The following BRINP3 variants were observed in gnomAD, a reference collection of about 807,000 sequenced individuals.
BRINP3 encodes BMP/retinoic acid-inducible neural-specific protein 3.
A neutral mutation model predicts 71.0 loss-of-function variants in BRINP3; 19 were observed. That is an observed-to-expected ratio of 0.27 (90% confidence interval 0.19 to 0.39). The LOEUF is 0.39. Among genes scored for constraint, BRINP3 ranks in the 10% least tolerant of loss-of-function variants. The pLI is 1.00. For synonymous variants in BRINP3, 380 were observed against 337.7 expected (o/e 1.13, Z -1.37); for missense variants, 959 against 940.8 (o/e 1.02, Z -0.25).
chr1:190,138,628 A>G, intron 7 of BRINP3, among the ~76,000 whole-genome samples: 1 of 152,178 alleles, frequency 6.6e-6, no homozygotes, highest in East Asian at 1.9e-4. Context: ...GAAATAATTG[A>G]ACGCTGTGAA....
intron 4 of BRINP3, among the ~76,000 whole-genome samples, chr1:190,237,542 G>A (rs1658638301): frequency 6.6e-6 from 1 of 151,816 alleles, no homozygotes; most frequent in South Asian, 2.1e-4. Flanking sequence ...GGAAATTTAA[G>A]CAATGAAATA....
intron 6 of BRINP3, among the ~76,000 whole-genome samples, chr1:190,162,437 C>A (rs1282429444): frequency 6.6e-6 from 1 of 152,052 alleles, no homozygotes; most frequent in East Asian, 1.9e-4. Context: ...AGCCACTCTG[C>A]CTCGCCTATA....
intron 2 of BRINP3, among the ~76,000 whole-genome samples, chr1:190,396,712 T>TTATATATATA (rs1558249085): frequency 3.9e-3 from 150 of 38,294 alleles, no homozygotes; most frequent in African/African-American, 0.013. Context: ...CCTAATTTAA[T>TTATATATATA]GATATATATA....
intron 2 of BRINP3, among the ~76,000 whole-genome samples, chr1:190,450,002 A>T (rs2102605468): frequency 6.6e-6 from 1 of 152,316 alleles, no homozygotes; most frequent in South Asian, 2.1e-4. Flanking sequence ...TAAATAGAGA[A>T]AAATATTTTC....
intron 2 of BRINP3, among the ~76,000 whole-genome samples, chr1:190,306,461 T>G (rs547015651): frequency 6.6e-6 from 1 of 152,002 alleles, no homozygotes; most frequent in African/African-American, 2.4e-5. Flanking sequence ...CTATATATTT[T>G]TAATATTTAT....
rs538589414 is a variant in BRINP3 at position 190,289,177 on chromosome 1, C to T, written c.237-7427G>A. Among the ~76,000 whole-genome samples the T allele has an allele frequency of 1.6e-4, 24 of 151,836 alleles. 1 individual carries two copies. The highest frequency in any genetic ancestry group is 5.5e-4 in the African/African-American group (23 of 41,470). On this transcript the variant is annotated intron_variant, in intron 2 of 7. Transcript: ENST00000367462. ...TAAAGAATAACTGCATTTCTAGTGA[C>T]AATAAATATAAATTGCCCATCTTTT...
chr1:190,195,981 G>T (rs1420236916), intron 6 of BRINP3, among the ~76,000 whole-genome samples: 1 of 152,074 alleles, frequency 6.6e-6, no homozygotes, highest in Non-Finnish European at 1.5e-5. Context: ...TTACATGTAA[G>T]ATAACTGTTG....
intron 1 of BRINP3, among the ~76,000 whole-genome samples, chr1:190,458,957 A>T (rs1676193548): frequency 6.6e-6 from 1 of 151,886 alleles, no homozygotes; most frequent in Non-Finnish European, 1.5e-5. Context: ...GAGAATGAAG[A>T]ACACAAAAAA....
At chr1:190,141,522 TTTTC>T (rs1241195478) in intron 7 of BRINP3, among the ~76,000 whole-genome samples, 2 of 150,996 alleles carry the variant, frequency 1.3e-5, no homozygotes, top group Non-Finnish European at 3.0e-5. Flanking sequence ...TTCTTTCTCT[TTTTC>T]TTTCTTTCTC....
Position 190,291,217 on chromosome 1 carries a change from G to A in BRINP3, c.237-9467C>T, listed in dbSNP as rs148235219. Among the ~76,000 whole-genome samples, 828 of 152,158 alleles carry A rather than the reference G, an allele frequency of 5.4e-3. 6 individuals are homozygous for A. Among genetic ancestry groups the A allele is most frequent in the African/African-American group, 0.018 (757 of 41,536 alleles). The stretch of plus-strand genomic sequence containing the variant: ...TTTCTTAAAAGATGAATTGTAGGAA[G>A]TGAATGATTAAAGAGGTTTATAATC... On this transcript the variant is annotated intron_variant, in intron 2 of 7. Transcript: ENST00000367462.
intron 7 of BRINP3, among the ~76,000 whole-genome samples, chr1:190,138,343 G>A (rs1398969349): frequency 6.6e-6 from 1 of 152,102 alleles, no homozygotes; most frequent in Non-Finnish European, 1.5e-5. Flanking sequence ...AATGAAGACT[G>A]CTAAACATGA....
intron 2 of BRINP3, among the ~76,000 whole-genome samples, chr1:190,315,106 G>A (rs1665793634): frequency 1.3e-5 from 2 of 152,048 alleles, no homozygotes; most frequent in Admixed American, 1.3e-4. Context: ...TTAACAATGA[G>A]TTGCCTATGA....
intron 2 of BRINP3, among the ~76,000 whole-genome samples, chr1:190,340,086 C>T (rs1191498474): frequency 1.3e-5 from 2 of 151,830 alleles, no homozygotes; most frequent in Non-Finnish European, 1.5e-5. Context: ...AAAACTGACT[C>T]ATATTTTATA....
chr1:190,445,546 A>G (rs1314983399), intron 2 of BRINP3, among the ~76,000 whole-genome samples: 3 of 150,424 alleles, frequency 2.0e-5, no homozygotes, highest in Non-Finnish European at 4.4e-5. Context: ...ACACACGCAT[A>G]CACACACGCA....
intron 2 of BRINP3, among the ~76,000 whole-genome samples, chr1:190,420,442 C>T (rs541287763): frequency 6.6e-6 from 1 of 151,910 alleles, no homozygotes; most frequent in Non-Finnish European, 1.5e-5. Context: ...TCAGAGTAGG[C>T]CAAAATCAAA....
At chr1:190,222,803 G>A (rs1022899620) in intron 6 of BRINP3, among the ~76,000 whole-genome samples, 1 of 151,450 alleles carries the variant, frequency 6.6e-6, no homozygotes, top group Admixed American at 6.6e-5. Flanking sequence ...AGAAAAAAAA[G>A]ACCTAATTAA....
At chr1:190,326,200 A>T (rs148887254) in intron 2 of BRINP3, among the ~76,000 whole-genome samples, 1 of 152,282 alleles carries the variant, frequency 6.6e-6, no homozygotes, top group Non-Finnish European at 1.5e-5. Flanking sequence ...CTTGGAAGTC[A>T]GGTCTTTTGA....
chr1:190,261,717 A>G (rs1661199033), intron 4 of BRINP3, among the ~76,000 whole-genome samples: 1 of 152,200 alleles, frequency 6.6e-6, no homozygotes, highest in Non-Finnish European at 1.5e-5. Flanking sequence ...GAAATTAAAT[A>G]CCTACTATAT....
At chr1:190,235,276 T>C (rs2102743248) in intron 4 of BRINP3, among the ~76,000 whole-genome samples, 1 of 152,176 alleles carries the variant, frequency 6.6e-6, no homozygotes, top group South Asian at 2.1e-4. Context: ...TTCATGGATG[T>C]CTTGGGATGG....
Sources: gnomAD v4.1 joint callset for allele counts (sites outside exome capture counted in the v4.1 genomes callset) on GRCh38, gnomAD v4.1.1 for gene constraint, MANE v1.5 for transcripts, NCBI Gene and HGNC (gene_info 2026-07-23, HGNC 2026-07-21) for gene names.